ZFPM2: variants seen among roughly 807,000 people sequenced by gnomAD.
ZFPM2 encodes the protein zinc finger protein, FOG family member 2.
In ZFPM2, 20 loss-of-function variants were observed where a neutral mutation model predicts 98.6. The ratio of observed to expected loss-of-function variants is 0.20; its 90% confidence interval spans 0.14 to 0.29. ZFPM2 has a LOEUF of 0.29. Ranked by LOEUF, ZFPM2 falls within the 10% of genes least tolerant of loss-of-function variation. ZFPM2 has a pLI of 1.00. For synonymous variants in ZFPM2, 518 were observed against 502.7 expected, an observed-to-expected ratio of 1.03 and a Z score of -0.41; for missense variants, 1,310 against 1,388.6, an observed-to-expected ratio of 0.94 and a Z score of 0.90.
chr8:105,560,926 C>A (rs1815121213), intron 3 of ZFPM2, among the ~76,000 whole-genome samples: 1 of 152,110 alleles, frequency 6.6e-6, no homozygotes, highest in Non-Finnish European at 1.5e-5. Flanking sequence ...AACTGGTAGT[C>A]AATTTCAGAA....
chr8:105,634,035 A>G (rs925694798), intron 4 of ZFPM2, among the ~76,000 whole-genome samples: 1 of 152,072 alleles, frequency 6.6e-6, no homozygotes, highest in African/African-American at 2.4e-5. Flanking sequence ...AAAATCCTTG[A>G]TAATATTTCT....
At chr8:105,641,277 T>C (rs1425996325) in intron 5 of ZFPM2, among the ~76,000 whole-genome samples, 3 of 152,046 alleles carry the variant, frequency 2.0e-5, no homozygotes, top group Non-Finnish European at 4.4e-5. Context: ...TCATTTTCAT[T>C]AAGAAAATTA....
At chr8:105,717,427 A>G (rs534135027) in intron 5 of ZFPM2, among the ~76,000 whole-genome samples, 22 of 152,118 alleles carry the variant, frequency 1.4e-4, no homozygotes, top group South Asian at 4.1e-4. Flanking sequence ...TCATCTTGCT[A>G]TCTGATTTTC....
chr8:105,542,690 T>A, intron 3 of ZFPM2, among the ~76,000 whole-genome samples: 1 of 152,042 alleles, frequency 6.6e-6, no homozygotes, highest in East Asian at 1.9e-4. Context: ...CTGGAACGTA[T>A]CCCCCATGGA....
intron 4 of ZFPM2, among the ~76,000 whole-genome samples, chr8:105,582,151 T>C (rs1252097547): frequency 6.6e-6 from 1 of 152,222 alleles, no homozygotes; most frequent in African/African-American, 2.4e-5. Flanking sequence ...ATGAGGTCTC[T>C]GGGAAACCAT....
At chr8:105,651,486 A>C (rs926133089) in intron 5 of ZFPM2, among the ~76,000 whole-genome samples, 62 of 147,992 alleles carry the variant, frequency 4.2e-4, no homozygotes, top group Non-Finnish European at 7.5e-5. Flanking sequence ...AAAAAATCCC[A>C]CCTGTCCCTT....
At chr8:105,562,377 T>C (rs1056735202) in intron 4 of ZFPM2, among the ~76,000 whole-genome samples, 2 of 151,972 alleles carry the variant, frequency 1.3e-5, no homozygotes, top group African/African-American at 4.8e-5. Context: ...GGTAGTTTGG[T>C]TACATTTAAA....
At chr8:105,355,088 T>C (rs1812716263) in intron 1 of ZFPM2, among the ~76,000 whole-genome samples, 2 of 152,240 alleles carry the variant, frequency 1.3e-5, no homozygotes, top group Non-Finnish European at 2.9e-5. Context: ...TTTTTTAACA[T>C]GAGAATTTAT....
intron 5 of ZFPM2, among the ~76,000 whole-genome samples, chr8:105,707,650 T>A (rs1320880873): frequency 6.6e-6 from 1 of 152,186 alleles, no homozygotes; most frequent in Admixed American, 6.5e-5. Flanking sequence ...GGAATCTGTA[T>A]CAAAATGTAA....
At chr8:105,410,958 A>G (rs1811564667) in intron 1 of ZFPM2, among the ~76,000 whole-genome samples, 1 of 151,822 alleles carries the variant, frequency 6.6e-6, no homozygotes, top group Non-Finnish European at 1.5e-5. Flanking sequence ...CATCTTCAAG[A>G]TGACTTCTAG....
intron 2 of ZFPM2, among the ~76,000 whole-genome samples, chr8:105,420,267 T>A (rs1277541866): frequency 1.3e-5 from 2 of 152,186 alleles, no homozygotes; most frequent in African/African-American, 4.8e-5. Flanking sequence ...CTTCATAGTC[T>A]CAAATCAAGA....
chr8:105,559,153 A>G (rs925556719), intron 3 of ZFPM2, among the ~76,000 whole-genome samples: 1 of 152,190 alleles, frequency 6.6e-6, no homozygotes, highest in African/African-American at 2.4e-5. Context: ...GATTGCACAA[A>G]GATGAAAAAC....
intron 1 of ZFPM2, among the ~76,000 whole-genome samples, chr8:105,370,068 T>C (rs554820907): frequency 6.6e-6 from 1 of 152,170 alleles, no homozygotes; most frequent in South Asian, 2.1e-4. Flanking sequence ...GGAAATCTAG[T>C]TACTGGTCCA....
At chr8:105,527,257 A>G (rs1586437137) in intron 3 of ZFPM2, among the ~76,000 whole-genome samples, 1 of 152,236 alleles carries the variant, frequency 6.6e-6, no homozygotes, top group East Asian at 1.9e-4. Flanking sequence ...TGAACTCTCA[A>G]GTGTTTTCCT....
intron 2 of ZFPM2, among the ~76,000 whole-genome samples, chr8:105,442,098 C>A (rs2130199580): frequency 6.6e-6 from 1 of 152,016 alleles, no homozygotes; most frequent in Non-Finnish European, 1.5e-5. Flanking sequence ...CTTTGGGAGG[C>A]CGAGGTGGGC....
intron 5 of ZFPM2, among the ~76,000 whole-genome samples, chr8:105,704,713 A>G (rs946850481): frequency 2.0e-5 from 3 of 152,194 alleles, no homozygotes; most frequent in Non-Finnish European, 4.4e-5. Context: ...TTATTAGGCC[A>G]TTTGAGAAAC....
intron 1 of ZFPM2, among the ~76,000 whole-genome samples, chr8:105,347,998 T>C (rs1464749587): frequency 6.6e-6 from 1 of 152,168 alleles, no homozygotes; most frequent in African/African-American, 2.4e-5. Flanking sequence ...ACTTTTCCTA[T>C]CCAGCTTGAG....
rs561342657 is a variant in ZFPM2 at position 105,338,574 on chromosome 8, A to C, written c.40+19593A>C. Among the ~76,000 whole-genome samples, 3 of 152,056 alleles carry C rather than the reference A, an allele frequency of 2.0e-5. 1 individual carries two copies. In the South Asian group the frequency reaches 6.2e-4, roughly 31 times the overall value. ...GAATTTCATAATCTGAGAAAGGAAT[A>C]AAGCCATTAGTGAACAAATATCTGT... is the stretch of plus-strand genomic sequence containing the variant. On this transcript the variant is annotated intron_variant, in intron 1 of 7. Transcript: ENST00000407775.
intron 4 of ZFPM2, among the ~76,000 whole-genome samples, chr8:105,568,983 C>G (rs560638946): frequency 1.2e-4 from 18 of 152,102 alleles, no homozygotes; most frequent in Admixed American, 2.6e-4. Context: ...CCTATTCCCC[C>G]CTCCCCACCT....
Sources: gnomAD v4.1 joint callset for allele counts (sites outside exome capture counted in the v4.1 genomes callset) on GRCh38, gnomAD v4.1.1 for gene constraint, MANE v1.5 for transcripts, NCBI Gene and HGNC (gene_info 2026-07-23, HGNC 2026-07-21) for gene names.